The following SLC1A2 variants were observed in gnomAD, a reference collection of about 807,000 sequenced individuals.
The protein encoded by SLC1A2 is solute carrier family 1 member 2.
SLC1A2 carries 15 observed loss-of-function variants against 48.8 expected under a neutral mutation model. That is an observed-to-expected ratio of 0.31 (90% CI 0.21 to 0.47). The LOEUF is 0.47. Among genes scored for constraint, SLC1A2 ranks in the 20% least tolerant of loss-of-function variants. SLC1A2 has a pLI of 0.99. For synonymous variants in SLC1A2, 279 were observed against 272.6 expected (o/e 1.02, Z -0.23); for missense variants, 502 against 730.5 (o/e 0.69, Z 3.61).
intron 6 of SLC1A2, chr11:35,297,884 A>C (rs1438338875): frequency 6.6e-6 from 1 of 152,354 alleles, no homozygotes; most frequent in East Asian, 1.9e-4. Flanking sequence ...CACAGCCTTA[A>C]TTCTCACAGC....
At chr11:35,383,596 G>C (rs545333757) in intron 1 of SLC1A2, among the ~76,000 whole-genome samples, 1 of 152,322 alleles carries the variant, frequency 6.6e-6, no homozygotes, top group South Asian at 2.1e-4. Flanking sequence ...AACAGGGATG[G>C]TAAGAATAGT....
intron 6 of SLC1A2, among the ~76,000 whole-genome samples, chr11:35,295,235 T>C (rs1421624592): frequency 6.6e-6 from 1 of 151,960 alleles, no homozygotes; most frequent in Non-Finnish European, 1.5e-5. Context: ...TTTTTATTTT[T>C]GTAGGAGGTC....
chr11:35,259,323 A>G lies in SLC1A2; in HGVS notation c.*1571T>C, dbSNP rs1001434348. ...GTTTCATATAATACAGCCTATTCTC[A>G]CCTATAAACAAGGTTCTACATACTT... On this transcript the variant is annotated 3_prime_UTR_variant, in exon 11 of 11. Transcript: ENST00000278379. 8.5e-5 allele frequency: 13 copies of G among 152,582 alleles called. No homozygotes were observed. The highest frequency in any genetic ancestry group is 5.9e-4 in the Admixed American group (9 of 15,270). 9.5% of individuals were successfully genotyped at this position (152,582 alleles called of 1,614,324 possible).
chr11:35,333,564 G>A (rs2134996053), intron 1 of SLC1A2, among the ~76,000 whole-genome samples: 1 of 152,168 alleles, frequency 6.6e-6, no homozygotes, highest in Non-Finnish European at 1.5e-5. Flanking sequence ...AGCTAAATAA[G>A]CAGTAACTTT....
intron 1 of SLC1A2, among the ~76,000 whole-genome samples, chr11:35,341,099 TCAATATGC>T (rs537525092): frequency 6.6e-6 from 1 of 152,320 alleles, no homozygotes; most frequent in African/African-American, 2.4e-5. Flanking sequence ...AAATGGTATA[TCAATATGC>T]CAAACTATCT....
intron 1 of SLC1A2, among the ~76,000 whole-genome samples, chr11:35,373,055 A>T (rs1854109036): frequency 6.6e-6 from 1 of 152,202 alleles, no homozygotes; most frequent in South Asian, 2.1e-4. Flanking sequence ...TCAGAGATTC[A>T]GGCCTATGTA....
Position 35,315,181 on chromosome 11 carries a change from AG to A in SLC1A2, c.158-7del. ...CACTGCTCCCAGGATGACACCTAAA[AG>A]GAAGGGGAAAACAATATGAATTTAT... On this transcript the variant is annotated splice_region_variant and splice_polypyrimidine_tract_variant and intron_variant, in intron 2 of 10. Transcript: ENST00000278379. 1 of 1,612,418 alleles carries A rather than the reference AG, an allele frequency of 6.2e-7. No individual in the cohort carries two copies.
At chr11:35,360,818 G>A (rs1853653876) in intron 1 of SLC1A2, among the ~76,000 whole-genome samples, 1 of 152,130 alleles carries the variant, frequency 6.6e-6, no homozygotes, top group East Asian at 1.9e-4. Context: ...TTTCTCAGAT[G>A]TGCCTCTCAG....
chr11:35,300,141 G>A (rs1261188941), intron 6 of SLC1A2, among the ~76,000 whole-genome samples: 3 of 152,164 alleles, frequency 2.0e-5, no homozygotes, highest in Non-Finnish European at 2.9e-5. Context: ...AAACACATGT[G>A]AAATAAAGGG....
At chr11:35,412,627 A>C (rs1203405336) in intron 1 of SLC1A2, among the ~76,000 whole-genome samples, 1 of 152,250 alleles carries the variant, frequency 6.6e-6, no homozygotes, top group Non-Finnish European at 1.5e-5. Context: ...TCTGCTATGA[A>C]ATAAATATCA....
intron 9 of SLC1A2, among the ~76,000 whole-genome samples, chr11:35,270,536 C>T (rs1850253460): frequency 6.6e-6 from 1 of 152,196 alleles, no homozygotes; most frequent in Admixed American, 6.5e-5. Flanking sequence ...ATGCCAATTG[C>T]TTAGGCAGCA....
At chr11:35,261,250 C>G (rs1229251806) in intron 10 of SLC1A2, among the ~76,000 whole-genome samples, 1 of 152,156 alleles carries the variant, frequency 6.6e-6, no homozygotes, top group African/African-American at 2.4e-5. Context: ...TGTCTAACTA[C>G]CCAGAGATCC....
chr11:35,418,832 C>T (rs1855690601), intron 1 of SLC1A2, 118 bp downstream of exon 1: 11 of 856,542 alleles, frequency 1.3e-5, no homozygotes, highest in Non-Finnish European at 1.9e-5. Flanking sequence ...CAAGCTACGG[C>T]TCCGCCACCA....
intron 1 of SLC1A2, among the ~76,000 whole-genome samples, chr11:35,362,246 C>A (rs560150085): frequency 6.6e-6 from 1 of 152,360 alleles, no homozygotes; most frequent in African/African-American, 2.4e-5. Flanking sequence ...TAGACACACT[C>A]CTCACCATAT....
chr11:35,266,405 A>G (rs1245428551), intron 9 of SLC1A2, among the ~76,000 whole-genome samples: 1 of 152,256 alleles, frequency 6.6e-6, no homozygotes, highest in African/African-American at 2.4e-5. Context: ...TCCTGAAAAA[A>G]ACAAAATACT....
intron 1 of SLC1A2, among the ~76,000 whole-genome samples, chr11:35,352,542 T>G (rs1482247673): frequency 1.3e-5 from 2 of 152,212 alleles, no homozygotes; most frequent in East Asian, 3.8e-4. Flanking sequence ...CAAGCCCATC[T>G]TTCTAGAAGC....
chr11:35,273,671 C>G (rs1462579020), intron 9 of SLC1A2, among the ~76,000 whole-genome samples: 1 of 152,126 alleles, frequency 6.6e-6, no homozygotes, highest in Non-Finnish European at 1.5e-5. Context: ...CTAGGAGGCT[C>G]CATTGGGATT....
intron 1 of SLC1A2, among the ~76,000 whole-genome samples, chr11:35,413,504 T>C (rs1002442770): frequency 2.0e-5 from 3 of 152,200 alleles, no homozygotes; most frequent in Non-Finnish European, 4.4e-5. Context: ...ACTCAATAAA[T>C]GGTACCAAGA....
chr11:35,317,353 G>T, intron 2 of SLC1A2, 24 bp downstream of exon 2: 1 of 1,607,546 alleles, frequency 6.2e-7, no homozygotes, highest in Non-Finnish European at 8.5e-7. Context: ...AGGGGGCTGG[G>T]GGTGGGGTAG....
Sources: gnomAD v4.1 joint callset for allele counts (sites outside exome capture counted in the v4.1 genomes callset) on GRCh38, gnomAD v4.1.1 for gene constraint, MANE v1.5 for transcripts, NCBI Gene and HGNC (gene_info 2026-07-23, HGNC 2026-07-21) for gene names.